The following GAS2 variants were observed in gnomAD, a reference collection of about 807,000 sequenced individuals.
GAS2 encodes the protein growth arrest-specific protein 2.
A neutral mutation model predicts 37.5 loss-of-function variants in GAS2; 20 were observed. The ratio of observed to expected loss-of-function variants is 0.53; its 90% CI spans 0.37 to 0.77. The LOEUF is 0.77. Ranked by LOEUF, GAS2 falls within the 30% of genes least tolerant of loss-of-function variation. The probability of loss-of-function intolerance (pLI) is 0.00; values close to 1 mark genes in which losing one functional copy is unlikely to be tolerated. For synonymous variants in GAS2, 144 were observed against 132.2 expected, an observed-to-expected ratio of 1.09 and a Z score of -0.61; for missense variants, 336 against 373.4, an observed-to-expected ratio of 0.90 and a Z score of 0.82.
intron 3 of GAS2, among the ~76,000 whole-genome samples, chr11:22,701,522 C>A (rs1298512679): frequency 6.6e-6 from 1 of 151,730 alleles, no homozygotes; most frequent in Non-Finnish European, 1.5e-5. Flanking sequence ...TGAGATCAAG[C>A]TTAAAAAAAA....
chr11:22,669,291 A>T (rs1849109786), intron 1 of GAS2, among the ~76,000 whole-genome samples: 1 of 151,252 alleles, frequency 6.6e-6, no homozygotes, highest in African/African-American at 2.4e-5. Context: ...AGACTGTCAG[A>T]TGGTTTTCTA....
At chr11:22,655,894 A>G (rs766306545) in intron 1 of GAS2, among the ~76,000 whole-genome samples, 8 of 152,232 alleles carry the variant, frequency 5.3e-5, no homozygotes, top group Non-Finnish European at 1.2e-4. Flanking sequence ...CAATTATTAA[A>G]TAGTTCTGAG....
At chr11:22,745,995 A>C (rs1012102522) in intron 5 of GAS2, among the ~76,000 whole-genome samples, 1 of 152,120 alleles carries the variant, frequency 6.6e-6, no homozygotes, top group African/African-American at 2.4e-5. Flanking sequence ...AAAAAATTAC[A>C]AAAACTCCAC....
chr11:22,627,151 A>G (rs1243151728), intron 1 of GAS2, among the ~76,000 whole-genome samples: 1 of 152,170 alleles, frequency 6.6e-6, no homozygotes, highest in Non-Finnish European at 1.5e-5. Flanking sequence ...TCGTTATTTT[A>G]TTTTATCCTA....
At chr11:22,806,298 G>A (rs1392237574) in intron 7 of GAS2, among the ~76,000 whole-genome samples, 3 of 152,134 alleles carry the variant, frequency 2.0e-5, no homozygotes, top group Non-Finnish European at 4.4e-5. Flanking sequence ...TTATGGCTGA[G>A]TAGTATTCCA....
chr11:22,722,726 TAC>T (rs1483202430), intron 3 of GAS2, among the ~76,000 whole-genome samples: 3 of 151,930 alleles, frequency 2.0e-5, no homozygotes, highest in Non-Finnish European at 4.4e-5. Context: ...AAAATTCTAA[TAC>T]AGAGTATTTG....
intron 3 of GAS2, among the ~76,000 whole-genome samples, chr11:22,720,966 A>G (rs976692943): frequency 6.6e-6 from 1 of 152,052 alleles, no homozygotes; most frequent in Admixed American, 6.6e-5. Context: ...AATGTGAAAT[A>G]TATTACCTTC....
intron 5 of GAS2, among the ~76,000 whole-genome samples, chr11:22,743,542 GA>G (rs996392239): frequency 8.6e-5 from 13 of 152,010 alleles, no homozygotes; most frequent in African/African-American, 3.1e-4. Flanking sequence ...TATATGTCAA[GA>G]TATCCAGCAA....
At chr11:22,793,502 T>G (rs16910170) in intron 7 of GAS2, among the ~76,000 whole-genome samples, 2,264 of 152,250 alleles carry the variant, frequency 0.015, 62 homozygotes, top group African/African-American at 0.052. Flanking sequence ...AAGAAGACTT[T>G]GTGCCCCAGA....
intron 4 of GAS2, among the ~76,000 whole-genome samples, chr11:22,735,422 G>A (rs1237946049): frequency 6.6e-6 from 1 of 151,608 alleles, no homozygotes; most frequent in Non-Finnish European, 1.5e-5. Flanking sequence ...AATGATGCTG[G>A]GGAAGAGGTT....
chr11:22,628,400 T>G (rs12292323), intron 1 of GAS2, among the ~76,000 whole-genome samples: 2,495 of 152,072 alleles, frequency 0.016, 93 homozygotes, highest in African/African-American at 0.057. Context: ...TAAGGTAAAA[T>G]ATATGAGAAC....
At chr11:22,779,189 G>T (rs1486451487) in intron 7 of GAS2, among the ~76,000 whole-genome samples, 3 of 151,934 alleles carry the variant, frequency 2.0e-5, no homozygotes, top group Non-Finnish European at 4.4e-5. Context: ...AATGGGTCTT[G>T]GAATTTTTTT....
At chr11:22,627,646 AC>A (rs879917002) in intron 1 of GAS2, among the ~76,000 whole-genome samples, 8 of 152,070 alleles carry the variant, frequency 5.3e-5, no homozygotes, top group Non-Finnish European at 1.2e-4. Flanking sequence ...ATGGCGGTGC[AC>A]ACCTGTGATC....
At chr11:22,674,101 G>T (rs1207738669) in intron 1 of GAS2, among the ~76,000 whole-genome samples, 2 of 152,098 alleles carry the variant, frequency 1.3e-5, no homozygotes, top group East Asian at 1.9e-4. Context: ...TTGTAAAAAT[G>T]TGTCATTACA....
intron 1 of GAS2, among the ~76,000 whole-genome samples, chr11:22,639,538 T>C (rs1040980808): frequency 1.3e-5 from 2 of 152,206 alleles, no homozygotes; most frequent in African/African-American, 2.4e-5. Flanking sequence ...ATTTCTTCAT[T>C]TCATTGGTTT....
intron 7 of GAS2, among the ~76,000 whole-genome samples, chr11:22,800,196 G>A (rs935982586): frequency 3.9e-5 from 6 of 152,022 alleles, no homozygotes; most frequent in Admixed American, 6.6e-5. Context: ...AGTGCTTTGC[G>A]AGCCAGGTTA....
intron 7 of GAS2, among the ~76,000 whole-genome samples, chr11:22,758,638 G>A (rs900207051): frequency 6.6e-6 from 1 of 152,124 alleles, no homozygotes; most frequent in African/African-American, 2.4e-5. Flanking sequence ...GATACGCCAG[G>A]CACAGTGGTT....
chr11:22,679,427 A>G (rs1201384776), intron 2 of GAS2, among the ~76,000 whole-genome samples: 1 of 152,128 alleles, frequency 6.6e-6, no homozygotes, highest in Non-Finnish European at 1.5e-5. Context: ...TGCATATATA[A>G]ATAAATCTTG....
At chr11:22,770,173 G>A (rs755797845) in intron 7 of GAS2, among the ~76,000 whole-genome samples, 5 of 152,150 alleles carry the variant, frequency 3.3e-5, no homozygotes, top group Non-Finnish European at 7.4e-5. Context: ...GTGAGGAAGA[G>A]CATCAGAACA....
Sources: allele counts gnomAD v4.1 joint callset (sites outside exome capture counted in the v4.1 genomes callset), GRCh38; gene constraint gnomAD v4.1.1; transcripts MANE v1.5; gene names NCBI Gene and HGNC (gene_info 2026-07-23, HGNC 2026-07-21).